Variants in TACC2 observed in about 807,000 individuals in gnomAD.
The protein encoded by TACC2 is transforming acidic coiled-coil-containing protein 2.
A neutral mutation model predicts 227.3 loss-of-function variants in TACC2; 137 were observed. That is an observed-to-expected ratio of 0.60 (90% CI 0.52 to 0.69). The LOEUF is 0.69. Among genes scored for constraint, TACC2 ranks in the 30% least tolerant of loss-of-function variants. The probability of loss-of-function intolerance (pLI) is 0.00; values close to 1 mark genes in which losing one functional copy is unlikely to be tolerated. For missense variants in TACC2, 3,470 were observed against 3,694.4 expected (o/e 0.94, Z 1.57); for synonymous variants, 1,523 against 1,487.5 (o/e 1.02, Z -0.55).
chr10:122,089,233 T>C (rs2080443646), intron 5 of TACC2, among the ~76,000 whole-genome samples: 1 of 152,208 alleles, frequency 6.6e-6, no homozygotes, highest in Non-Finnish European at 1.5e-5. Flanking sequence ...AATTTCAGGT[T>C]ATTTTCATCC....
chr10:122,142,029 C>G (rs563103211), intron 6 of TACC2, among the ~76,000 whole-genome samples: 2 of 152,370 alleles, frequency 1.3e-5, no homozygotes, highest in South Asian at 4.1e-4. Flanking sequence ...ATTTTAGCCA[C>G]TGCCCAAATT....
At chr10:122,047,193 G>T (rs908542131) in intron 2 of TACC2, among the ~76,000 whole-genome samples, 6 of 145,448 alleles carry the variant, frequency 4.1e-5, no homozygotes, top group Non-Finnish European at 8.9e-5. Flanking sequence ...GGAGGCTGAG[G>T]CAGGAGAATC....
At chr10:122,134,603 C>G (rs1047924921) in intron 6 of TACC2, among the ~76,000 whole-genome samples, 7 of 152,256 alleles carry the variant, frequency 4.6e-5, no homozygotes, top group African/African-American at 1.7e-4. Flanking sequence ...GGGGCACCCC[C>G]TTCCTGTCTG....
chr10:122,089,639 T>C (rs187820776), intron 5 of TACC2, among the ~76,000 whole-genome samples: 93 of 152,360 alleles, frequency 6.1e-4, no homozygotes, highest in African/African-American at 2.0e-3. Context: ...GTGCTGTGTG[T>C]GCACACATAT....
At chr10:122,221,547 G>A (rs1015067769) in intron 11 of TACC2, among the ~76,000 whole-genome samples, 3 of 152,108 alleles carry the variant, frequency 2.0e-5, no homozygotes, top group African/African-American at 7.2e-5. Context: ...AACGGCAGGC[G>A]CCGTCTCTGT....
chr10:122,148,765 T>C (rs2091704261), intron 7 of TACC2, among the ~76,000 whole-genome samples: 1 of 152,256 alleles, frequency 6.6e-6, no homozygotes, highest in Non-Finnish European at 1.5e-5. Context: ...AAATGGCTTT[T>C]CTCCAGGAGT....
chr10:122,228,037 C>G, intron 14 of TACC2, 29 bp downstream of exon 14: 1 of 1,604,594 alleles, frequency 6.2e-7, no homozygotes, highest in Non-Finnish European at 8.5e-7. Context: ...CCCCAGATCA[C>G]AGGGGATGAG....
In TACC2 at chr10:122,085,193, G is replaced by A. The variant is rs1488505476; in HGVS notation, c.2693G>A (p.Gly898Glu). Reference protein sequence around the residue: ...PTHGGQEQALGSELQSQLPKG... With the variant: ...PTHGGQEQALESELQSQLPKG... ...CATGGAGGACAGGAGCAGGCTTTGG[G>A]ATCAGAACTTCAAAGTCAGCTCCCC... The change falls in exon 4 of 23, where the codon GGA becomes GAA. Residue 898 changes from glycine to glutamate, a missense_variant. By Grantham distance (98) the Gly-to-Glu change is moderately conservative (BLOSUM62 -2). Around this residue, in one of 10 missense-constraint regions of TACC2, gnomAD observed 1,924 missense variants for 1,978.3 expected, o/e 0.97. Coordinates refer to ENST00000369005, the MANE Select transcript of TACC2 (RefSeq NM_206862.4). The A allele has an allele frequency of 2.5e-6, 4 of 1,614,060 alleles. No homozygotes were observed. The South Asian group carries it at 3.3e-5, about 13-fold the overall frequency.
chr10:122,240,027 G>A (rs1353944360), intron 18 of TACC2, among the ~76,000 whole-genome samples: 1 of 152,174 alleles, frequency 6.6e-6, no homozygotes. Context: ...TCTGCCACTT[G>A]GCAGCCTTGG....
chr10:122,196,017 G>A (rs1019956482), intron 8 of TACC2, among the ~76,000 whole-genome samples: 10 of 152,128 alleles, frequency 6.6e-5, no homozygotes, highest in Admixed American at 5.2e-4. Context: ...TAGACCACAC[G>A]CTGGATACCT....
At chr10:122,005,873 T>C (rs1429865107) in intron 1 of TACC2, among the ~76,000 whole-genome samples, 1 of 151,956 alleles carries the variant, frequency 6.6e-6, no homozygotes, top group African/African-American at 2.4e-5. Context: ...TTTTGTACTT[T>C]TAGTTGAGAT....
intron 8 of TACC2, among the ~76,000 whole-genome samples, chr10:122,196,933 C>CAAAAAAAAA (rs58473562): frequency 2.6e-4 from 20 of 78,042 alleles, no homozygotes; most frequent in South Asian, 1.1e-3. Flanking sequence ...GAGTCCGTCT[C>CAAAAAAAAA]AAAAAAAAAA....
intron 7 of TACC2, among the ~76,000 whole-genome samples, chr10:122,191,771 TTTCTC>T (rs778060252): frequency 7.0e-4 from 106 of 152,392 alleles, no homozygotes; most frequent in Middle Eastern, 3.4e-3. Context: ...AATGACAACA[TTTCTC>T]TTTCTGCTAC....
intron 8 of TACC2, among the ~76,000 whole-genome samples, chr10:122,196,279 C>G (rs1252634185): frequency 6.6e-6 from 1 of 152,228 alleles, no homozygotes; most frequent in Admixed American, 6.5e-5. Context: ...GATGTACACT[C>G]CCGGAGCTTT....
At chr10:122,208,094 A>G (rs2095184285) in intron 8 of TACC2, among the ~76,000 whole-genome samples, 1 of 152,172 alleles carries the variant, frequency 6.6e-6, no homozygotes, top group Non-Finnish European at 1.5e-5. Flanking sequence ...AAGCGAGGCA[A>G]CACCTTTTGA....
intron 2 of TACC2, among the ~76,000 whole-genome samples, chr10:122,034,882 C>T (rs1045608781): frequency 1.4e-4 from 21 of 148,518 alleles, no homozygotes; most frequent in African/African-American, 5.0e-4. Flanking sequence ...GAGCCAAGAT[C>T]GTGCCACTGC....
intron 22 of TACC2, among the ~76,000 whole-genome samples, chr10:122,253,379 A>G (rs1235945772): frequency 6.6e-6 from 1 of 152,176 alleles, no homozygotes; most frequent in Non-Finnish European, 1.5e-5. Flanking sequence ...TGGACAGTGT[A>G]GGATCATCTG....
Position 122,132,673 on chromosome 10 carries a change from G to A in TACC2, c.5638G>A (p.Ala1880Thr). ...APADLESPTLAASSYHGDVVG... is the reference protein window; with the variant it reads ...APADLESPTLTASSYHGDVVG... ...CGCAGACCTGGAAAGCCCAACCTTA[G>A]CTGCCTCTTCCTACCACGGTGATGT... Residue 1880 changes from alanine to threonine, a missense_variant, in exon 6 of 23, where the codon GCT becomes ACT. Transcript: ENST00000369005. 2 of 1,614,170 alleles carry A rather than the reference G, an allele frequency of 1.2e-6. No homozygotes were observed. The highest frequency in any genetic ancestry group is 8.5e-7 in the Non-Finnish European group (1 of 1,180,034).
chr10:122,187,586 G>T (rs1419183239), intron 7 of TACC2, among the ~76,000 whole-genome samples: 1 of 151,994 alleles, frequency 6.6e-6, no homozygotes, highest in African/African-American at 2.4e-5. Context: ...TGCCTCCCAG[G>T]TTCAAGTGAT....
Sources: allele counts gnomAD v4.1 joint callset (sites outside exome capture counted in the v4.1 genomes callset), GRCh38; gene constraint gnomAD v4.1.1; regional missense constraint gnomAD v4.1.1; transcripts MANE v1.5; gene names NCBI Gene and HGNC (gene_info 2026-07-23, HGNC 2026-07-21).